The following NBPF12 variants were observed in gnomAD, a reference collection of about 807,000 sequenced individuals.
The protein encoded by NBPF12 is NBPF family member NBPF12.
In NBPF12, 115 loss-of-function variants were observed where a neutral mutation model predicts 146.4. That is an observed-to-expected ratio of 0.79 (90% CI 0.68 to 0.92). NBPF12 has a LOEUF of 0.92. Among genes scored for constraint, NBPF12 ranks in the 40% least tolerant of loss-of-function variants. The pLI, the probability that NBPF12 is intolerant of heterozygous loss-of-function variation, is 0.00. For synonymous variants in NBPF12, 385 were observed against 508.9 expected, an observed-to-expected ratio of 0.76 and a Z score of 3.28; for missense variants, 1,205 against 1,326.8, an observed-to-expected ratio of 0.91 and a Z score of 1.43.
chr1:146,950,352 A>T (rs1655275148), intron 1 of NBPF12, among the ~76,000 whole-genome samples: 1 of 152,082 alleles, frequency 6.6e-6, no homozygotes. Context: ...GTGAAACTGA[A>T]CAAACAGCTT....
At chr1:146,984,295 C>G in intron 21 of NBPF12, 110 bp downstream of exon 24, 2 of 789,394 alleles carry the variant, frequency 2.5e-6, no homozygotes, top group South Asian at 2.7e-5. Flanking sequence ...TCAGACAAGT[C>G]TGAATTATGC....
intron 13 of NBPF12, among the ~76,000 whole-genome samples, 182 bp from the exon 17 acceptor site, chr1:146,972,569 C>T (rs1656721821): frequency 6.6e-6 from 1 of 151,530 alleles, no homozygotes; most frequent in South Asian, 2.1e-4. Flanking sequence ...TTCAAGGTGA[C>T]TGCATAGCTA....
chr1:146,976,634 G>T (rs1301953049), intron 16 of NBPF12, among the ~76,000 whole-genome samples: 44 of 151,264 alleles, frequency 2.9e-4, no homozygotes, highest in Non-Finnish European at 5.6e-4. Flanking sequence ...CTGGCAGGAT[G>T]GGGGAGACAG....
upstream of NBPF12, chr1:146,949,277 G>T (rs1251338439): frequency 1.4e-5 from 2 of 148,108 alleles, no homozygotes; most frequent in East Asian, 4.0e-4. Flanking sequence ...GCCCACAGGT[G>T]TGGAGGGGCA....
Position 146,966,373 on chromosome 1 carries a change from A to G in NBPF12, c.779-91A>G. On this transcript the variant is annotated intron_variant, in intron 8 of 33. Transcript: ENST00000617844. ...AAACATCATCTTCGAATAAGTACAC[A>G]AGGCTGCCAGTGACATCCCTCAGTC... The G allele has an allele frequency of 6.3e-6, 7 of 1,114,318 alleles. No individual in the cohort carries two copies. The South Asian group carries it at 8.6e-5, about 14-fold the overall frequency. The allele number at this position is 1,114,318 out of a possible 1,614,324, so 69.0% of individuals were successfully genotyped here. A position where few individuals can be genotyped will look rare whatever the true frequency, so the allele number is the denominator to read the frequency against.
At chr1:146,962,164 A>G (rs1570839551) in exon 5 of NBPF12, 2 of 1,608,776 alleles carry the variant, frequency 1.2e-6, no homozygotes, top group Non-Finnish European at 1.7e-6. Flanking sequence ...TTCTCAGAGT[A>G]TGAAGAGTGT....
At chr1:146,967,464 G>T (rs1441620459) in intron 9 of NBPF12, among the ~76,000 whole-genome samples, 1 of 149,384 alleles carries the variant, frequency 6.7e-6, no homozygotes, top group Non-Finnish European at 1.5e-5. Flanking sequence ...TTTTGCCATT[G>T]CACTCCAGCC....
intron 8 of NBPF12, among the ~76,000 whole-genome samples, chr1:146,965,516 G>A (rs1656131784): frequency 2.0e-5 from 3 of 150,322 alleles, no homozygotes; most frequent in African/African-American, 7.5e-5. Flanking sequence ...GGCACAGTGG[G>A]TTCCACCTGT....
chr1:146,948,690 G>A (rs1655181982), upstream of NBPF12, among the ~76,000 whole-genome samples: 1 of 151,976 alleles, frequency 6.6e-6, no homozygotes, highest in South Asian at 2.1e-4. Context: ...ACAGCCTCAT[G>A]GGAAGGGAAA....
intron 8 of NBPF12, among the ~76,000 whole-genome samples, chr1:146,965,800 A>G (rs1656160010): frequency 7.7e-6 from 1 of 129,948 alleles, no homozygotes; most frequent in Non-Finnish European, 1.7e-5. Context: ...TCAAAAAAAA[A>G]AAAAAAAAAA....
chr1:146,966,837 A>T (rs2101862202), intron 9 of NBPF12, among the ~76,000 whole-genome samples, 164 bp downstream of exon 12: 1 of 150,260 alleles, frequency 6.7e-6, no homozygotes, highest in East Asian at 2.0e-4. Context: ...AGACAGAGGT[A>T]CCAAAGTATT....
intron 2 of NBPF12, among the ~76,000 whole-genome samples, chr1:146,953,780 TAGA>T (rs1655430176): frequency 6.8e-6 from 1 of 146,832 alleles, no homozygotes; most frequent in Non-Finnish European, 1.5e-5. Flanking sequence ...GAGAAAAAAG[TAGA>T]ATACCTGTTG....
chr1:146,963,118 C>T (rs2101850727), exon 6 of NBPF12: 1 of 1,608,954 alleles, frequency 6.2e-7, no homozygotes, highest in South Asian at 1.1e-5. Context: ...CTGGTTCACT[C>T]TCAGGAACGA....
At chr1:146,975,459 A>T (rs1656928740) in intron 15 of NBPF12, among the ~76,000 whole-genome samples, 1 of 150,252 alleles carries the variant, frequency 6.7e-6, no homozygotes, top group African/African-American at 2.5e-5. Flanking sequence ...GATGAATGGA[A>T]CATCATCGAG....
At position 146,969,634 on chromosome 1, in the gene NBPF12, G is replaced by T. The variant is rs2101870408; in HGVS notation, c.1306+38G>T. On this transcript the variant is annotated intron_variant, in intron 11 of 33. Transcript: ENST00000617844. ...CAGGCCCTGATGACCCAAAACCCCA[G>T]GCTTATGAGAGGCTCCAGACCTCCA... 1.3e-6 allele frequency: 2 copies of T among 1,593,346 alleles called. 1 individual carries two copies. The highest frequency in any genetic ancestry group is 4.5e-5 in the East Asian group (2 of 44,708).
At chr1:146,994,775 C>T (rs1342099978) in exon 34 of NBPF12, 10 of 912,428 alleles carry the variant, frequency 1.1e-5, no homozygotes, top group Non-Finnish European at 1.3e-5. Context: ...AGGTGTGACA[C>T]GTTCACATAA....
chr1:146,951,610 A>G, intron 2 of NBPF12, 121 bp downstream of exon 5: 1 of 495,148 alleles, frequency 2.0e-6, no homozygotes, highest in Non-Finnish European at 3.6e-6. Context: ...TTTTCTTCAT[A>G]TCACTTTAAA....
rs1656103519 is a variant in NBPF12 at position 146,965,101 on chromosome 1, C to T, written c.775C>T (p.Pro259Ser). 4.4e-6 allele frequency: 7 copies of T among 1,577,328 alleles called. 2 individuals are homozygous for T. The Admixed American group carries it at 1.0e-4, about 23-fold the overall frequency. The change falls in exon 8 of 34, where the codon CCA (proline) becomes TCA (serine). Residue 259 changes from proline (P) to serine (S), a missense_variant. Coordinates refer to ENST00000617844, the Ensembl canonical transcript of NBPF12. ...ATGTCAGGATGCTCTAAACATTCTCCCAGGTAGCCTCTATTTTCCTTGTGT... is the reference window on the plus strand; with the variant it reads ...ATGTCAGGATGCTCTAAACATTCTCTCAGGTAGCCTCTATTTTCCTTGTGT...
At chr1:146,970,796 C>T (rs1656554734) in intron 12 of NBPF12, 77 bp downstream of exon 15, 1 of 1,191,836 alleles carries the variant, frequency 8.4e-7, no homozygotes, top group South Asian at 1.2e-5. Flanking sequence ...TCTCTGGCAT[C>T]TATGATGGGC....
Sources: gnomAD v4.1 joint callset for allele counts (sites outside exome capture counted in the v4.1 genomes callset) on GRCh38, gnomAD v4.1.1 for gene constraint, MANE v1.5 for transcripts, NCBI Gene and HGNC (gene_info 2026-07-23, HGNC 2026-07-21) for gene names.